The following CROCC variants were observed in gnomAD, a reference collection of about 807,000 sequenced individuals.
The protein encoded by CROCC is rootletin.
In CROCC, 180 loss-of-function variants were observed where a neutral mutation model predicts 245.2. The ratio of observed to expected loss-of-function variants is 0.73; its 90% CI spans 0.65 to 0.83. CROCC has a LOEUF of 0.83. Among genes scored for constraint, CROCC ranks in the 40% least tolerant of loss-of-function variants. The pLI is 0.00. For missense variants in CROCC, 2,688 were observed against 2,779.4 expected (o/e 0.97, Z 0.74); for synonymous variants, 1,205 against 1,241.6 (o/e 0.97, Z 0.62).
At position 16,929,900 on chromosome 1, in the gene CROCC, G is replaced by T; in HGVS notation, c.406G>T (p.Gly136Trp). 4 of 1,588,414 alleles carry T rather than the reference G, an allele frequency of 2.5e-6. No homozygotes were observed. The highest frequency in any genetic ancestry group is 3.4e-6 in the Non-Finnish European group (4 of 1,170,900). Residue 136 changes from glycine to tryptophan, a missense_variant, in exon 4 of 37, where the codon GGG becomes TGG. Transcript: ENST00000375541. ...GGAGCTGGAGACGCAGGAGCCCAGG[G>T]GGCTGGTACGGCAGAGCGTGGAGTT... is the stretch of plus-strand genomic sequence containing the variant. ...PGELETQEPR[G>W]LVRQSVELRR...
intron 35 of CROCC, 147 bp from the exon 36 acceptor site, chr1:16,971,318 G>A (rs932194978): frequency 7.9e-7 from 1 of 1,268,062 alleles, no homozygotes; most frequent in African/African-American, 1.5e-5. Context: ...TCACTGTCAG[G>A]GCCAGCAGGA....
upstream of CROCC, among the ~76,000 whole-genome samples, chr1:16,920,058 A>G (rs1421623529): frequency 6.7e-6 from 1 of 149,746 alleles, no homozygotes; most frequent in Non-Finnish European, 1.5e-5. Flanking sequence ...CGCCCCAGCT[A>G]ATTTTTTTTA....
chr1:16,969,486 G>A, intron 32 of CROCC, 146 bp downstream of exon 32: 1 of 872,116 alleles, frequency 1.1e-6, no homozygotes, highest in South Asian at 1.6e-5. Flanking sequence ...GAGGGCGTGG[G>A]CCCAGTAGAC....
At chr1:16,922,592 G>T (rs561375441) in intron 1 of CROCC, 71 bp from the exon 2 acceptor site, 3 of 1,522,290 alleles carry the variant, frequency 2.0e-6, no homozygotes, top group Non-Finnish European at 2.6e-6. Flanking sequence ...GTAGGATTCT[G>T]TGGCTCTCCC....
chr1:16,930,049 CT>C lies in CROCC; in HGVS notation c.537+19del, dbSNP rs1285639981. The C allele has an allele frequency of 7.7e-6, 12 of 1,566,592 alleles. No homozygotes were observed. Among genetic ancestry groups the C allele is most frequent in the Non-Finnish European group, 1.0e-5 (12 of 1,159,156 alleles). ...AGGGCAAGGTCAGGACCACCCACTC[CT>C]GCTCCTGTCCTCCCACCTGTTCACT... On this transcript the variant is annotated intron_variant, in intron 4 of 36. Coordinates refer to ENST00000375541, the MANE Select transcript of CROCC (RefSeq NM_014675.5).
intron 35 of CROCC, among the ~76,000 whole-genome samples, chr1:16,971,210 AGTGTGT>A (rs34364208): frequency 0.085 from 12,296 of 143,974 alleles, 704 homozygotes; most frequent in African/African-American, 0.17. Context: ...ATGATGTCTG[AGTGTGT>A]GTGTGTGTGT....
chr1:16,961,232 T>G, intron 27 of CROCC, 102 bp downstream of exon 27: 6 of 1,169,308 alleles, frequency 5.1e-6, no homozygotes, highest in Non-Finnish European at 6.4e-6. Flanking sequence ...TTTGTTTTTT[T>G]TCAAGGAGCC....
intron 1 of CROCC, among the ~76,000 whole-genome samples, chr1:16,916,183 C>CAAAAAAAAAAAAAAAAAAAAAAAAAAA (rs58710425): frequency 3.2e-4 from 34 of 107,828 alleles, no homozygotes; most frequent in African/African-American, 5.2e-4. Flanking sequence ...GACTCTGCCT[C>CAAAAAAAAAAAAAAAAAAAAAAAAAAA]AAAAAAAAAG....
At chr1:16,965,927 T>G in intron 28 of CROCC, 35 bp downstream of exon 28, 1 of 1,605,344 alleles carries the variant, frequency 6.2e-7, no homozygotes, top group Non-Finnish European at 8.5e-7. Context: ...ATGGGGAACC[T>G]GGAGGGCCCT....
At chr1:16,961,638 C>CT (rs1488303916) in intron 27 of CROCC, among the ~76,000 whole-genome samples, 9 of 152,168 alleles carry the variant, frequency 5.9e-5, no homozygotes, top group African/African-American at 2.2e-4. Context: ...GGATCTCACT[C>CT]TGTCACCTCA....
At chr1:16,918,404 TG>T (rs1451840123), upstream of CROCC, among the ~76,000 whole-genome samples, 16 of 150,640 alleles carry the variant, frequency 1.1e-4, no homozygotes, top group African/African-American at 3.9e-4. Context: ...AGCAGGACTC[TG>T]GGGGAGAACT....
Position 16,972,542 on chromosome 1 carries a change from G to A in CROCC, c.*96G>A. ...CCACCCAGAGCCCGGTCCCTTGGGG[G>A]CCTCAAGCTGGGGTGGGATGAGGAG... On this transcript the variant is annotated 3_prime_UTR_variant, in exon 37 of 37. Transcript: ENST00000375541. 1 of 810,136 alleles carries A rather than the reference G, an allele frequency of 1.2e-6. No individual in the cohort carries two copies. The highest frequency in any genetic ancestry group is 1.9e-6 in the Non-Finnish European group (1 of 526,950). The allele number at this position is 810,136 out of a possible 1,614,324, so 50.2% of individuals were successfully genotyped here. A position where few individuals can be genotyped will look rare whatever the true frequency, so the allele number is the denominator to read the frequency against.
chr1:16,960,220 T>C (rs2076308233), intron 26 of CROCC, among the ~76,000 whole-genome samples: 1 of 152,054 alleles, frequency 6.6e-6, no homozygotes, highest in Non-Finnish European at 1.5e-5. Context: ...GAGCTGAGAT[T>C]GCCCCACTGC....
rs1339792589 is a variant in CROCC at position 16,948,936 on chromosome 1, G to C, written c.2836+10G>C. The C allele has an allele frequency of 6.2e-7, 1 of 1,610,624 alleles. No homozygotes were observed. The highest frequency in any genetic ancestry group is 8.5e-7 in the Non-Finnish European group (1 of 1,179,564). The stretch of plus-strand genomic sequence containing the variant: ...AAGGAGACCCTGACTGGTACGAGGG[G>C]CTGGGGACTTGGGGGGAACACCAGG... On this transcript the variant is annotated intron_variant, in intron 19 of 36. Coordinates refer to ENST00000375541, the MANE Select transcript of CROCC (RefSeq NM_014675.5).
intron 36 of CROCC, 95 bp downstream of exon 36, chr1:16,971,742 C>T (rs969079031): frequency 1.3e-5 from 16 of 1,227,224 alleles, no homozygotes; most frequent in African/African-American, 9.3e-5. Context: ...TATAGGCAGT[C>T]GATGGCTCCC....
At chr1:16,970,139 A>T in intron 33 of CROCC, 114 bp from the exon 34 acceptor site, 1 of 1,234,332 alleles carries the variant, frequency 8.1e-7, no homozygotes. Flanking sequence ...CAATTCTCTG[A>T]TGTGGGCCTC....
In CROCC at chr1:16,952,613, G is replaced by A. The variant is rs1286375417; in HGVS notation, c.3007-689G>A. ...ATTTGCCTGTGGGCTCTGCCTGCCC[G>A]CCTGTCCAGTCCCCAGGGATCTGAA... On this transcript the variant is annotated intron_variant, in intron 20 of 36. Coordinates refer to ENST00000375541, the MANE Select transcript of CROCC (RefSeq NM_014675.5). 2.6e-5 allele frequency among the ~76,000 whole-genome samples: 4 copies of A among 152,062 alleles called. 1 individual carries two copies. The highest frequency in any genetic ancestry group is 1.3e-4 in the Admixed American group (2 of 15,272).
intron 20 of CROCC, among the ~76,000 whole-genome samples, chr1:16,952,481 T>C (rs905309042): frequency 1.9e-4 from 28 of 149,392 alleles, no homozygotes; most frequent in Non-Finnish European, 4.0e-4. Flanking sequence ...CAAGACTCCG[T>C]CTAAAAAAAA....
At chr1:16,956,298 T>A in intron 25 of CROCC, 142 bp downstream of exon 25, 1 of 877,260 alleles carries the variant, frequency 1.1e-6, no homozygotes, top group Non-Finnish European at 1.7e-6. Context: ...AACCTTGGTG[T>A]GAATGGATGG....
Sources: allele counts gnomAD v4.1 joint callset (sites outside exome capture counted in the v4.1 genomes callset), GRCh38; gene constraint gnomAD v4.1.1; transcripts MANE v1.5; gene names NCBI Gene and HGNC (gene_info 2026-07-23, HGNC 2026-07-21).